Variants in ASPRV1 observed in about 807,000 individuals in gnomAD.
ASPRV1 encodes the protein retroviral-like aspartic protease 1.
In ASPRV1, 7 loss-of-function variants were observed where a neutral mutation model predicts 11.0. The observed-to-expected ratio is 0.64, with a 90% CI of 0.36 to 1.20. The LOEUF (loss-of-function observed/expected upper bound fraction) is 1.20, where lower values mean the gene tolerates loss of function less well. Ranked by LOEUF, ASPRV1 falls within the 50% of genes most tolerant of loss-of-function variation. The pLI is 0.02. For missense variants in ASPRV1, 299 were observed against 320.0 expected (o/e 0.93, Z 0.50); for synonymous variants, 136 against 138.4 (o/e 0.98, Z 0.12).
chr2:69,991,245 G>A, the ASPRV1 span, among the ~76,000 whole-genome samples: 1 of 152,150 alleles, frequency 6.6e-6, no homozygotes, highest in African/African-American at 2.4e-5. Flanking sequence ...AAAGGCTGCG[G>A]CCCTCCCTGT....
the ASPRV1 span, among the ~76,000 whole-genome samples, chr2:70,078,723 G>A: frequency 1.3e-5 from 2 of 152,208 alleles, no homozygotes. Context: ...ATCCTACATG[G>A]TCTTATAGAC....
At chr2:70,045,298 A>G in the ASPRV1 span, 2 of 152,212 alleles carry the variant, frequency 1.3e-5, no homozygotes, top group Admixed American at 6.5e-5. Context: ...ACCTTGGGCA[A>G]GTTACATAAC....
chr2:70,066,657 GCAT>G, the ASPRV1 span, among the ~76,000 whole-genome samples: 1 of 151,958 alleles, frequency 6.6e-6, no homozygotes, highest in Admixed American at 6.6e-5. Context: ...GAGTGCAGTG[GCAT>G]CATTACAGTT....
chr2:70,028,323 T>G, the ASPRV1 span: 1 of 152,160 alleles, frequency 6.6e-6, no homozygotes, highest in South Asian at 2.1e-4. Flanking sequence ...TTGATTCATT[T>G]CAGGTCTCTC....
At chr2:70,020,757 A>C in the ASPRV1 span, among the ~76,000 whole-genome samples, 3 of 152,122 alleles carry the variant, frequency 2.0e-5, no homozygotes, top group Non-Finnish European at 4.4e-5. Flanking sequence ...GAGTGATGTA[A>C]GCCACACAGG....
At chr2:70,069,186 C>A in the ASPRV1 span, 129 of 152,352 alleles carry the variant, frequency 8.5e-4, no homozygotes, top group African/African-American at 2.7e-3. Flanking sequence ...CACACAGTCA[C>A]ACACTAGACA....
chr2:70,070,782 T>C, the ASPRV1 span: 2 of 36,874 alleles, frequency 5.4e-5, no homozygotes, highest in African/African-American at 3.4e-4. Flanking sequence ...AGACTCCGTA[T>C]CAAAAAAAAA....
the ASPRV1 span, among the ~76,000 whole-genome samples, chr2:69,966,976 A>G: frequency 6.6e-6 from 1 of 152,202 alleles, no homozygotes. Context: ...CAGAGCCCTT[A>G]CATGTATAGA....
the ASPRV1 span, chr2:69,941,960 C>T: frequency 6.6e-6 from 1 of 152,008 alleles, no homozygotes; most frequent in Non-Finnish European, 1.5e-5. Flanking sequence ...CAGTCTATTT[C>T]TTCCCCCAAG....
chr2:70,067,306 G>A, the ASPRV1 span, among the ~76,000 whole-genome samples: 1 of 152,178 alleles, frequency 6.6e-6, no homozygotes, highest in African/African-American at 2.4e-5. Flanking sequence ...ATATGATTGG[G>A]CACTGGAGAA....
chr2:69,959,824 G>T (rs1420930970), downstream of ASPRV1, among the ~76,000 whole-genome samples: 1 of 152,100 alleles, frequency 6.6e-6, no homozygotes, highest in East Asian at 1.9e-4. Flanking sequence ...GTCACTTTTG[G>T]GTATAGAGGC....
the ASPRV1 span, chr2:70,051,000 A>G: frequency 6.6e-6 from 1 of 152,198 alleles, no homozygotes; most frequent in African/African-American, 2.4e-5. Flanking sequence ...AAAAATACAA[A>G]GGTCCAAAAT....
At chr2:70,080,425 C>T in the ASPRV1 span, among the ~76,000 whole-genome samples, 2 of 152,190 alleles carry the variant, frequency 1.3e-5, no homozygotes, top group Non-Finnish European at 2.9e-5. Flanking sequence ...CAGGGTTTCA[C>T]CACGTTGGCC....
chr2:69,967,496 G>A, the ASPRV1 span, among the ~76,000 whole-genome samples: 1 of 152,200 alleles, frequency 6.6e-6, no homozygotes, highest in Non-Finnish European at 1.5e-5. Context: ...CTGAGCGGGG[G>A]ATGTGGATAG....
chr2:70,031,526 T>A, the ASPRV1 span: 1 of 152,034 alleles, frequency 6.6e-6, no homozygotes, highest in African/African-American at 2.4e-5. Context: ...TAAAACCCCG[T>A]CTCTACTAAA....
chr2:70,078,382 A>G, the ASPRV1 span, among the ~76,000 whole-genome samples: 2 of 152,244 alleles, frequency 1.3e-5, no homozygotes, highest in Admixed American at 6.5e-5. Flanking sequence ...TGAACAATGA[A>G]TGAATAAACA....
chr2:69,970,058 A>G, the ASPRV1 span, among the ~76,000 whole-genome samples: 2 of 152,102 alleles, frequency 1.3e-5, no homozygotes, highest in African/African-American at 4.8e-5. Context: ...TGGCAATGGC[A>G]CTACTATCTA....
upstream of ASPRV1, chr2:69,961,838 A>AG: frequency 2.4e-6 from 2 of 839,906 alleles, no homozygotes; most frequent in Non-Finnish European, 3.8e-6. Context: ...CCTCTGTTGA[A>AG]GGGGGACTAC....
the ASPRV1 span, among the ~76,000 whole-genome samples, chr2:70,027,090 A>T: frequency 1.3e-5 from 2 of 151,848 alleles, no homozygotes; most frequent in Non-Finnish European, 2.9e-5. Context: ...CCTCTACAAA[A>T]AATTTAAACA....
Sources: allele counts gnomAD v4.1 joint callset (sites outside exome capture counted in the v4.1 genomes callset), GRCh38; gene constraint gnomAD v4.1.1; transcripts MANE v1.5; gene names NCBI Gene and HGNC (gene_info 2026-07-23, HGNC 2026-07-21).